Variants in TRIM4 observed in about 807,000 individuals in gnomAD.
TRIM4 encodes E3 ubiquitin-protein ligase TRIM4.
TRIM4 carries 29 observed loss-of-function variants against 33.7 expected under a neutral mutation model. That is an observed-to-expected ratio of 0.86 (90% CI 0.64 to 1.17). TRIM4 has a LOEUF of 1.17. Among genes scored for constraint, TRIM4 ranks in the 50% most tolerant of loss-of-function variants. The pLI, the probability that TRIM4 is intolerant of heterozygous loss-of-function variation, is 0.00. For synonymous variants in TRIM4, 224 were observed against 233.0 expected (o/e 0.96, Z 0.35); for missense variants, 554 against 593.7 (o/e 0.93, Z 0.69).
rs149051969 is a variant in TRIM4, at chr7:99,915,609, G to C, written c.393+3400C>G. ...CTTGGAAATAAAGCAGCTTCACCCA[G>C]GGGCAGTTTATGTTTTTCTAACTAA... On this transcript the variant is annotated intron_variant, in intron 1 of 5. Transcript: ENST00000349062. 8.0e-4 allele frequency among the ~76,000 whole-genome samples: 122 copies of C among 152,310 alleles called. 1 individual carries two copies. Among genetic ancestry groups the C allele is most frequent in the African/African-American group, 2.7e-3 (113 of 41,560 alleles).
Position 99,914,682 on chromosome 7 carries a change from C to T in TRIM4, c.393+4327G>A, listed in dbSNP as rs190636801. On this transcript the variant is annotated intron_variant, in intron 1 of 5. Transcript: ENST00000349062. Reference sequence around the variant, plus strand: ...CCCATAAACATATCCAGCTCTCCCCCGCCTCAGGGCCTCTTCCCACAGTTC... The same window carrying T: ...CCCATAAACATATCCAGCTCTCCCCTGCCTCAGGGCCTCTTCCCACAGTTC... 1.4e-4 allele frequency among the ~76,000 whole-genome samples: 22 copies of T among 152,328 alleles called. No individual in the cohort carries two copies. The East Asian group carries it at 2.5e-3, about 17-fold the overall frequency.
chr7:99,917,328 A>T (rs1819577745), intron 1 of TRIM4, among the ~76,000 whole-genome samples: 1 of 152,210 alleles, frequency 6.6e-6, no homozygotes, highest in African/African-American at 2.4e-5. Context: ...ATGAACATAC[A>T]CTTTCTAGTC....
chr7:99,896,523 C>T (rs900503074), intron 5 of TRIM4, among the ~76,000 whole-genome samples: 6 of 152,216 alleles, frequency 3.9e-5, no homozygotes, highest in Non-Finnish European at 7.3e-5. Context: ...CCTGGACCAC[C>T]CAGCATATAA....
At chr7:99,916,900 C>T in intron 1 of TRIM4, 1 of 689,714 alleles carries the variant, frequency 1.4e-6, no homozygotes, top group Admixed American at 2.1e-5. Context: ...ATGATAAGGC[C>T]CTGCCTTTTT....
chr7:99,918,400 T>C (rs1048007425), intron 1 of TRIM4, among the ~76,000 whole-genome samples: 1 of 151,964 alleles, frequency 6.6e-6, no homozygotes, highest in South Asian at 2.1e-4. Context: ...AACCCCTCTA[T>C]ACTAAAAAAC....
rs1359176493 is a variant in TRIM4, at chr7:99,919,482, A to C, written c.-81T>G. The C allele has an allele frequency of 7.1e-7, 1 of 1,400,844 alleles. No individual in the cohort carries two copies. Among genetic ancestry groups the C allele is most frequent in the Non-Finnish European group, 9.3e-7 (1 of 1,072,240 alleles). The allele number at this position is 1,400,844 out of a possible 1,614,324, so 86.8% of individuals were successfully genotyped here. On this transcript the variant is annotated 5_prime_UTR_variant, in exon 1 of 6. Coordinates refer to ENST00000349062, the MANE Select transcript of TRIM4 (RefSeq NM_033091.3). ...AGCTGCGAGCGGCCGCGGGGAGGCCAGACGACTTCCGAACCGCCGTCACCG... is the reference window on the plus strand; with the variant it reads ...AGCTGCGAGCGGCCGCGGGGAGGCCCGACGACTTCCGAACCGCCGTCACCG...
In TRIM4 at chr7:99,892,443, G is replaced by T. The variant is rs1247133944; in HGVS notation, c.1145C>A (p.Ser382Ter). The T allele has an allele frequency of 1.9e-6, 3 of 1,614,096 alleles. No individual in the cohort carries two copies. In the Admixed American group the frequency reaches 5.0e-5, roughly 27 times the overall value. The change falls in exon 6 of 6, where the codon TCA becomes TAA. Residue 382 changes from serine (S) to a stop codon, truncating the protein, a stop_gained. Transcript: ENST00000349062. LOFTEE classifies it low-confidence loss of function (END_TRUNC). The part of the protein sequence containing the change: ...REDVMGITDR[S>*]KMSPDVGIWA... The stretch of plus-strand genomic sequence containing the variant: ...GATGCCCACATCTGGGGACATTTTT[G>T]AACGATCAGTAATTCCCATGACGTC...
At chr7:99,900,229 C>T (rs1012291606) in intron 5 of TRIM4, among the ~76,000 whole-genome samples, 1 of 152,238 alleles carries the variant, frequency 6.6e-6, no homozygotes, top group African/African-American at 2.4e-5. Flanking sequence ...AGAGCCAATG[C>T]TGCAGTGAAG....
rs1052545094 is a variant in TRIM4, at chr7:99,906,121, G to A, written c.720+2461C>T. On this transcript the variant is annotated intron_variant, in intron 3 of 5. Coordinates refer to ENST00000349062, the MANE Select transcript of TRIM4 (RefSeq NM_033091.3). ...GATCGCTCCACTGCACTCCAGCCTCGGCCACACAGCAAGACTCCATCTCAA... is the reference window on the plus strand; with the variant it reads ...GATCGCTCCACTGCACTCCAGCCTCAGCCACACAGCAAGACTCCATCTCAA... 6.6e-5 allele frequency among the ~76,000 whole-genome samples: 10 copies of A among 151,854 alleles called. No individual in the cohort carries two copies. The East Asian group carries it at 7.7e-4, about 12-fold the overall frequency.
intron 5 of TRIM4, among the ~76,000 whole-genome samples, chr7:99,900,064 A>G (rs1819123019): frequency 6.6e-6 from 1 of 152,152 alleles, no homozygotes; most frequent in South Asian, 2.1e-4. Flanking sequence ...GGGATTACAG[A>G]TGTGAGCCAC....
Position 99,890,666 on chromosome 7 carries a change from C to A in TRIM4, c.*1497G>T, listed in dbSNP as rs1437835244. The A allele has an allele frequency of 2.0e-5, 3 of 152,070 alleles. No homozygotes were observed. The highest frequency in any genetic ancestry group is 7.2e-5 in the African/African-American group (3 of 41,400). 9.4% of individuals were successfully genotyped at this position (152,070 alleles called of 1,614,324 possible). ...TTCTCACGTATAAGGGAGAGCTAAACATTGAGTACCCATGGACACAAAAAA... is the reference window on the plus strand; with the variant it reads ...TTCTCACGTATAAGGGAGAGCTAAAAATTGAGTACCCATGGACACAAAAAA... On this transcript the variant is annotated 3_prime_UTR_variant, in exon 6 of 6. Coordinates refer to ENST00000349062, the MANE Select transcript of TRIM4 (RefSeq NM_033091.3).
intron 1 of TRIM4, among the ~76,000 whole-genome samples, chr7:99,913,752 C>T (rs1469500603): frequency 1.3e-5 from 2 of 152,136 alleles, no homozygotes; most frequent in South Asian, 2.1e-4. Context: ...GAAAATTATA[C>T]GTATATGAAA....
Position 99,908,449 on chromosome 7 carries a change from T to C in TRIM4, c.720+133A>G, listed in dbSNP as rs1004269130. 6 of 725,522 alleles carry C rather than the reference T, an allele frequency of 8.3e-6. No homozygotes were observed. In the African/African-American group the frequency reaches 8.8e-5, roughly 11 times the overall value. The allele number at this position is 725,522 out of a possible 1,614,324, so 44.9% of individuals were successfully genotyped here. ...TGGTGAATCTTTGGCTTTTTAGTTA[T>C]GTGACAGCACAGAACTAGCAAGAGA... On this transcript the variant is annotated intron_variant, in intron 3 of 5. Transcript: ENST00000349062.
At chr7:99,916,723 G>A (rs1368559060) in intron 1 of TRIM4, 3 of 780,810 alleles carry the variant, frequency 3.8e-6, no homozygotes, top group African/African-American at 1.7e-5. Flanking sequence ...AATGGTACAA[G>A]AGCAGCCTAA....
intron 1 of TRIM4, among the ~76,000 whole-genome samples, chr7:99,918,463 G>A (rs1322687520): frequency 1.3e-5 from 2 of 151,988 alleles, no homozygotes; most frequent in African/African-American, 2.4e-5. Flanking sequence ...TACTCGGGAG[G>A]CTGAGGCAGG....
At position 99,911,952 on chromosome 7, in the gene TRIM4, C is replaced by G. The variant is rs147045951; in HGVS notation, c.394-2292G>C. On this transcript the variant is annotated intron_variant, in intron 1 of 5. Transcript: ENST00000349062. ...GCAATTACATTTGCACCAACCTATA[C>G]AAAAATGGATAAATCTCAAAATCAA... 5.3e-3 allele frequency among the ~76,000 whole-genome samples: 810 copies of G among 152,116 alleles called. 7 individuals are homozygous for G. The highest frequency in any genetic ancestry group is 0.018 in the African/African-American group (729 of 41,484).
chr7:99,914,006 A>C (rs1192799305), intron 1 of TRIM4, among the ~76,000 whole-genome samples: 1 of 152,168 alleles, frequency 6.6e-6, no homozygotes, highest in Non-Finnish European at 1.5e-5. Context: ...AGTTCTATGA[A>C]TTTCAGTCAC....
intron 1 of TRIM4, among the ~76,000 whole-genome samples, chr7:99,913,430 A>T (rs1819487546): frequency 6.6e-6 from 1 of 152,216 alleles, no homozygotes; most frequent in Non-Finnish European, 1.5e-5. Context: ...GCACTTTGGG[A>T]GGCCAAGGCG....
Position 99,893,193 on chromosome 7 carries a change from GA to G in TRIM4, c.842-448del, listed in dbSNP as rs528724668. Among the ~76,000 whole-genome samples the G allele has an allele frequency of 4.6e-5, 7 of 152,284 alleles. No individual in the cohort carries two copies. The South Asian group carries it at 8.3e-4, about 18-fold the overall frequency. Reference sequence around the variant, plus strand: ...GAGGCAGAAGAATCACTTAAACCCAGAAGGCGGAGGTTGTAGTGACCCGAGA... The same window carrying G: ...GAGGCAGAAGAATCACTTAAACCCAGAGGCGGAGGTTGTAGTGACCCGAGA... On this transcript the variant is annotated intron_variant, in intron 5 of 5. Transcript: ENST00000349062.
Sources: allele counts gnomAD v4.1 joint callset (sites outside exome capture counted in the v4.1 genomes callset), GRCh38; gene constraint gnomAD v4.1.1; transcripts MANE v1.5; gene names NCBI Gene and HGNC (gene_info 2026-07-23, HGNC 2026-07-21).